MAPKAPK5: variants seen among roughly 807,000 people sequenced by gnomAD.
MAPKAPK5 encodes MAPK activated protein kinase 5.
In MAPKAPK5, 30 loss-of-function variants were observed where a neutral mutation model predicts 65.1. The observed-to-expected ratio is 0.46, with a 90% CI of 0.34 to 0.63. The LOEUF (loss-of-function observed/expected upper bound fraction) is 0.63, where lower values mean the gene tolerates loss of function less well. MAPKAPK5 is among the 20% of genes least tolerant of loss of function. The pLI is 0.01. For synonymous variants in MAPKAPK5, 179 were observed against 204.6 expected (o/e 0.87, Z 1.07); for missense variants, 433 against 581.4 (o/e 0.74, Z 2.63).
intron 13 of MAPKAPK5, among the ~76,000 whole-genome samples, chr12:111,890,574 T>C (rs557151264): frequency 6.6e-6 from 1 of 152,330 alleles, no homozygotes; most frequent in South Asian, 2.1e-4. Flanking sequence ...GAAGAGCTGT[T>C]TCACGAAAGA....
At chr12:111,851,158 A>G (rs562540614) in intron 1 of MAPKAPK5, among the ~76,000 whole-genome samples, 19 of 152,244 alleles carry the variant, frequency 1.2e-4, no homozygotes, top group Non-Finnish European at 2.4e-4. Flanking sequence ...TCGGCCTCCC[A>G]AAGTGCTGGG....
At position 111,901,772 on chromosome 12, in the gene MAPKAPK5, T is replaced by C. The variant is rs1458248287; in HGVS notation, c.*8711T>C. On this transcript the variant is annotated 3_prime_UTR_variant, in exon 14 of 14. Transcript: ENST00000550735. ...CAAGTACTGAGTGGGAATGAGATGT[T>C]TGGTGAAGTAGAAATAGATAGCTTT... is the stretch of plus-strand genomic sequence containing the variant. 1 of 184,630 alleles carries C rather than the reference T, an allele frequency of 5.4e-6. No homozygotes were observed. Among genetic ancestry groups the C allele is most frequent in the African/African-American group, 2.4e-5 (1 of 41,662 alleles). The allele number at this position is 184,630 out of a possible 1,614,324, so 11.4% of individuals were successfully genotyped here.
At chr12:111,855,714 C>T (rs1377051745) in intron 1 of MAPKAPK5, among the ~76,000 whole-genome samples, 1 of 151,834 alleles carries the variant, frequency 6.6e-6, no homozygotes, top group East Asian at 2.0e-4. Flanking sequence ...GTAGTCCCAG[C>T]TACTTGGGAA....
intron 2 of MAPKAPK5, among the ~76,000 whole-genome samples, chr12:111,865,800 C>T (rs2136104813): frequency 7.0e-6 from 1 of 142,560 alleles, no homozygotes; most frequent in African/African-American, 2.7e-5. Flanking sequence ...CATGCCACTG[C>T]ACTCCAGCCT....
rs557235913 is a variant in MAPKAPK5 at position 111,896,116 on chromosome 12, C to G, written c.*3055C>G. 2 of 152,166 alleles carry G rather than the reference C, an allele frequency of 1.3e-5. No homozygotes were observed. Among genetic ancestry groups the G allele is most frequent in the Non-Finnish European group, 2.9e-5 (2 of 68,026 alleles). The allele number at this position is 152,166 out of a possible 1,614,324, so 9.4% of individuals were successfully genotyped here. A position where few individuals can be genotyped will look rare whatever the true frequency, so the allele number is the denominator to read the frequency against. On this transcript the variant is annotated 3_prime_UTR_variant, in exon 14 of 14. Coordinates refer to ENST00000550735, the MANE Select transcript of MAPKAPK5 (RefSeq NM_003668.4). ...TACTCTTCTTCTTTAGAGGAATATT[C>G]TAGCATATCCATTATATCCATAACT...
In MAPKAPK5 at chr12:111,900,925, A is replaced by T. The variant is rs779553567; in HGVS notation, c.*7864A>T. ...TATGGTGCAAAATCAGCCTCACAAG[A>T]GTGTTACAATTCAATGAACAGCAAA... is the stretch of plus-strand genomic sequence containing the variant. On this transcript the variant is annotated 3_prime_UTR_variant, in exon 14 of 14. Transcript: ENST00000550735. The T allele has an allele frequency of 4.5e-6, 2 of 448,782 alleles. No individual in the cohort carries two copies. The highest frequency in any genetic ancestry group is 4.3e-5 in the African/African-American group (2 of 46,634). The allele number at this position is 448,782 out of a possible 1,614,324, so 27.8% of individuals were successfully genotyped here. A position where few individuals can be genotyped will look rare whatever the true frequency, so the allele number is the denominator to read the frequency against.
intron 7 of MAPKAPK5, among the ~76,000 whole-genome samples, chr12:111,874,941 AT>A (rs928091168): frequency 6.6e-6 from 1 of 150,774 alleles, no homozygotes; most frequent in Non-Finnish European, 1.5e-5. Context: ...CGCCCGGCTA[AT>A]TTTTTTTCAT....
chr12:111,845,657 C>G (rs529823916), intron 1 of MAPKAPK5, among the ~76,000 whole-genome samples: 1 of 152,294 alleles, frequency 6.6e-6, no homozygotes. Flanking sequence ...CACGGTGGCT[C>G]ACACCTGTAA....
rs1159324080 is a variant in MAPKAPK5, at chr12:111,894,290, TC to T, written c.*1230del. On this transcript the variant is annotated 3_prime_UTR_variant, in exon 14 of 14. Transcript: ENST00000550735. Reference sequence around the variant, plus strand: ...ACTCCTGACCATCCACCTCAGCCTCTCAAAGTACTGGGATTACAGGCATGAG... The same window carrying T: ...ACTCCTGACCATCCACCTCAGCCTCTAAAGTACTGGGATTACAGGCATGAG... 1 of 152,246 alleles carries T rather than the reference TC, an allele frequency of 6.6e-6. No individual in the cohort carries two copies. The highest frequency in any genetic ancestry group is 1.5e-5 in the Non-Finnish European group (1 of 68,178). The allele number at this position is 152,246 out of a possible 1,614,324, so 9.4% of individuals were successfully genotyped here.
intron 7 of MAPKAPK5, among the ~76,000 whole-genome samples, chr12:111,872,823 C>T (rs1319566841): frequency 6.6e-6 from 1 of 152,132 alleles, no homozygotes; most frequent in Non-Finnish European, 1.5e-5. Flanking sequence ...CTTATAAGGA[C>T]CCTACTGATC....
intron 12 of MAPKAPK5, chr12:111,889,742 T>C: frequency 3.8e-6 from 1 of 261,654 alleles, no homozygotes; most frequent in Non-Finnish European, 7.4e-6. Context: ...TGGTCTTTGG[T>C]TGACCAGGTG....
chr12:111,863,418 C>T (rs529198820), intron 1 of MAPKAPK5, among the ~76,000 whole-genome samples: 1 of 152,248 alleles, frequency 6.6e-6, no homozygotes, highest in East Asian at 1.9e-4. Context: ...CTTTCCAAGC[C>T]TGGCACATTC....
Position 111,900,612 on chromosome 12 carries a change from T to C in MAPKAPK5, c.*7551T>C, listed in dbSNP as rs1275635062. 1 of 455,734 alleles carries C rather than the reference T, an allele frequency of 2.2e-6. No individual in the cohort carries two copies. Among genetic ancestry groups the C allele is most frequent in the Admixed American group, 2.3e-5 (1 of 42,580 alleles). The allele number at this position is 455,734 out of a possible 1,614,324, so 28.2% of individuals were successfully genotyped here. On this transcript the variant is annotated 3_prime_UTR_variant, in exon 14 of 14. Transcript: ENST00000550735. The stretch of plus-strand genomic sequence containing the variant: ...GGTGGAGGACACGGAGCAGTGTGAC[T>C]GTGGTTCTCTATGTCAGCATCATGC...
At chr12:111,848,091 A>G (rs2068958522) in intron 1 of MAPKAPK5, among the ~76,000 whole-genome samples, 1 of 152,234 alleles carries the variant, frequency 6.6e-6, no homozygotes, top group Non-Finnish European at 1.5e-5. Flanking sequence ...TCTTCAGTGT[A>G]GATAGCTAGA....
In MAPKAPK5 at chr12:111,899,837, CAT is replaced by C. The variant is rs1259299674; in HGVS notation, c.*6777_*6778del. Reference sequence around the variant, plus strand: ...CATGGACTCTTCAAGACGGTTTGAACATGTGTTATACACCATGGCACATCAAG... The same window carrying C: ...CATGGACTCTTCAAGACGGTTTGAACGTGTTATACACCATGGCACATCAAG... On this transcript the variant is annotated 3_prime_UTR_variant, in exon 14 of 14. Transcript: ENST00000550735. 2.5e-5 allele frequency: 11 copies of C among 443,162 alleles called. No homozygotes were observed. The highest frequency in any genetic ancestry group is 5.1e-5 in the Non-Finnish European group (11 of 216,686). 27.5% of individuals were successfully genotyped at this position (443,162 alleles called of 1,614,324 possible).
chr12:111,847,345 A>C (rs1438596807), intron 1 of MAPKAPK5, among the ~76,000 whole-genome samples: 1 of 126,886 alleles, frequency 7.9e-6, no homozygotes, highest in Non-Finnish European at 1.7e-5. Context: ...GAGACTCTGC[A>C]AAAAAAAAAA....
intron 1 of MAPKAPK5, among the ~76,000 whole-genome samples, chr12:111,846,077 T>C (rs11066046): frequency 0.2 from 29,748 of 152,148 alleles, 3,121 homozygotes; most frequent in Middle Eastern, 0.27. Flanking sequence ...AAGTACTCAA[T>C]AGGTCATGGT....
chr12:111,843,063 G>GC, intron 1 of MAPKAPK5: 1 of 398,740 alleles, frequency 2.5e-6, no homozygotes. Flanking sequence ...GACGAAGAGA[G>GC]CCCTACTACT....
chr12:111,869,566 G>A (rs984146723), intron 5 of MAPKAPK5, among the ~76,000 whole-genome samples: 1 of 152,280 alleles, frequency 6.6e-6, no homozygotes, highest in Non-Finnish European at 1.5e-5. Context: ...TGAACCTTAA[G>A]CAATTTTGGA....
Sources: gnomAD v4.1 joint callset for allele counts (sites outside exome capture counted in the v4.1 genomes callset) on GRCh38, gnomAD v4.1.1 for gene constraint, MANE v1.5 for transcripts, NCBI Gene and HGNC (gene_info 2026-07-23, HGNC 2026-07-21) for gene names.